UGP2: variants seen among roughly 807,000 people sequenced by gnomAD.
UGP2 encodes UDP-glucose pyrophosphorylase 2, also known as UTP--glucose-1-phosphate uridylyltransferase.
UGP2 carries 40 observed loss-of-function variants against 49.0 expected under a neutral mutation model. The observed-to-expected ratio is 0.82, with a 90% CI of 0.63 to 1.06. The LOEUF (loss-of-function observed/expected upper bound fraction) is 1.06, where lower values mean the gene tolerates loss of function less well. Among genes scored for constraint, UGP2 ranks in the 50% least tolerant of loss-of-function variants. UGP2 has a pLI of 0.00. For synonymous variants in UGP2, 225 were observed against 213.0 expected, an observed-to-expected ratio of 1.06 and a Z score of -0.49; for missense variants, 460 against 603.5, an observed-to-expected ratio of 0.76 and a Z score of 2.49.
chr2:63,845,875 T>G (rs909310080), intron 1 of UGP2, among the ~76,000 whole-genome samples: 1 of 152,164 alleles, frequency 6.6e-6, no homozygotes, highest in Non-Finnish European at 1.5e-5. Flanking sequence ...CTCAAGCATA[T>G]TGACCGTAAA....
intron 3 of UGP2, among the ~76,000 whole-genome samples, chr2:63,858,238 A>C (rs1232202186): frequency 6.6e-6 from 1 of 152,170 alleles, no homozygotes; most frequent in Non-Finnish European, 1.5e-5. Flanking sequence ...AGCTTCGTTT[A>C]CTTTGTTTCT....
Position 63,879,053 on chromosome 2 carries a change from G to A in UGP2, c.256-3413G>A, listed in dbSNP as rs114536288. Among the ~76,000 whole-genome samples, 889 of 150,600 alleles carry A rather than the reference G, an allele frequency of 5.9e-3. 14 individuals are homozygous for A. The highest frequency in any genetic ancestry group is 0.02 in the African/African-American group (831 of 41,096). The stretch of plus-strand genomic sequence containing the variant: ...TTAGTACTTTTTCTTGATGACTTAT[G>A]TCCTAAATCAAATTAAATAGCTCAA... On this transcript the variant is annotated intron_variant, in intron 3 of 9. Coordinates refer to ENST00000337130, the MANE Select transcript of UGP2 (RefSeq NM_006759.4).
chr2:63,842,916 C>T (rs919904393), intron 1 of UGP2, among the ~76,000 whole-genome samples: 2 of 152,148 alleles, frequency 1.3e-5, no homozygotes, highest in African/African-American at 4.8e-5. Flanking sequence ...CATGTGTGTA[C>T]GGTGTACTCA....
chr2:63,856,501 G>C, intron 2 of UGP2, 68 bp downstream of exon 2: 1 of 1,496,112 alleles, frequency 6.7e-7, no homozygotes, highest in African/African-American at 1.5e-5. Flanking sequence ...CTGAGTTGCT[G>C]CCGGTGATGA....
intron 3 of UGP2, among the ~76,000 whole-genome samples, chr2:63,860,701 C>A (rs1464135289): frequency 1.3e-5 from 2 of 151,806 alleles, no homozygotes; most frequent in East Asian, 3.9e-4. Context: ...CTCAAGGGAT[C>A]CTCCTGCCTC....
rs1291456463 is a variant in UGP2 at position 63,848,921 on chromosome 2, C to T, written c.19+6717C>T. On this transcript the variant is annotated intron_variant, in intron 1 of 9. Coordinates refer to ENST00000337130, the MANE Select transcript of UGP2 (RefSeq NM_006759.4). ...TCAAATACTGCCTCTGCCAACAGTT[C>T]CGTTGTTTATTTTTCTCAGTCATTA... is the stretch of plus-strand genomic sequence containing the variant. 2.6e-5 allele frequency among the ~76,000 whole-genome samples: 4 copies of T among 152,282 alleles called. No homozygotes were observed. In the East Asian group the frequency reaches 7.7e-4, roughly 29 times the overall value.
At chr2:63,869,747 A>G (rs1435368821) in intron 3 of UGP2, among the ~76,000 whole-genome samples, 3 of 152,128 alleles carry the variant, frequency 2.0e-5, no homozygotes, top group South Asian at 4.1e-4. Flanking sequence ...TTTGGAGGAC[A>G]GTGTTGGTGC....
chr2:63,882,396 C>T, intron 3 of UGP2, 70 bp from the exon 4 acceptor site: 1 of 1,307,176 alleles, frequency 7.7e-7, no homozygotes, highest in South Asian at 2.3e-5. Context: ...GGAAATAACC[C>T]TGGGATTGAT....
At chr2:63,850,623 T>G (rs2104257459) in intron 1 of UGP2, among the ~76,000 whole-genome samples, 1 of 152,354 alleles carries the variant, frequency 6.6e-6, no homozygotes, top group South Asian at 2.1e-4. Flanking sequence ...GAAAAGAAAT[T>G]TAGTAGTCAT....
intron 3 of UGP2, among the ~76,000 whole-genome samples, chr2:63,859,031 G>A (rs1437684992): frequency 1.4e-5 from 2 of 147,702 alleles, no homozygotes; most frequent in South Asian, 4.3e-4. Context: ...GTCTCACTCT[G>A]TCACCCAAGC....
At chr2:63,883,638 C>G (rs1275173758) in intron 4 of UGP2, among the ~76,000 whole-genome samples, 1 of 152,206 alleles carries the variant, frequency 6.6e-6, no homozygotes, top group Non-Finnish European at 1.5e-5. Context: ...GCTCCAGACT[C>G]AAACTGCCTA....
chr2:63,881,247 T>C (rs1385556148), intron 3 of UGP2, among the ~76,000 whole-genome samples: 1 of 152,146 alleles, frequency 6.6e-6, no homozygotes, highest in African/African-American at 2.4e-5. Context: ...GATATATGTA[T>C]GTATGTTCAT....
At chr2:63,846,530 C>A (rs1034710780) in intron 1 of UGP2, among the ~76,000 whole-genome samples, 2 of 152,076 alleles carry the variant, frequency 1.3e-5, no homozygotes, top group Non-Finnish European at 1.5e-5. Flanking sequence ...TACATACTTA[C>A]ATTTCAGGGA....
At chr2:63,845,013 TAC>T (rs1671835806) in intron 1 of UGP2, among the ~76,000 whole-genome samples, 1 of 151,508 alleles carries the variant, frequency 6.6e-6, no homozygotes, top group African/African-American at 2.5e-5. Flanking sequence ...TTGGGAGAAA[TAC>T]AGTGTTTTGT....
intron 3 of UGP2, among the ~76,000 whole-genome samples, chr2:63,858,379 A>G (rs948184126): frequency 6.6e-6 from 1 of 152,194 alleles, no homozygotes. Context: ...ACTATTTATC[A>G]TAGCTTAAGC....
At chr2:63,877,987 G>T (rs1253595947) in intron 3 of UGP2, among the ~76,000 whole-genome samples, 1 of 105,322 alleles carries the variant, frequency 9.5e-6, no homozygotes, top group African/African-American at 3.8e-5. Context: ...GCGACAGAGC[G>T]AGACTCCGTC....
At position 63,883,937 on chromosome 2, in the gene UGP2, CTAATT is replaced by C; in HGVS notation, c.442-22_442-18del. The stretch of plus-strand genomic sequence containing the variant: ...CAAAAGAAAAGTGAGTCTGGGTAAT[CTAATT>C]GTCATTTTCCTCCCTAGCATTTGAA... On this transcript the variant is annotated intron_variant, in intron 4 of 9. Coordinates refer to ENST00000337130, the MANE Select transcript of UGP2 (RefSeq NM_006759.4). 1 of 1,589,302 alleles carries C rather than the reference CTAATT, an allele frequency of 6.3e-7. No homozygotes were observed. The highest frequency in any genetic ancestry group is 1.4e-5 in the African/African-American group (1 of 73,552).
At chr2:63,865,435 A>G (rs1324221306) in intron 3 of UGP2, among the ~76,000 whole-genome samples, 1 of 152,086 alleles carries the variant, frequency 6.6e-6, no homozygotes, top group Non-Finnish European at 1.5e-5. Context: ...CAACTGAGTA[A>G]TAGCTATGAA....
intron 1 of UGP2, among the ~76,000 whole-genome samples, chr2:63,849,625 C>G (rs1372980745): frequency 6.6e-6 from 1 of 152,204 alleles, no homozygotes; most frequent in Admixed American, 6.5e-5. Flanking sequence ...TTTAACCTCA[C>G]ATAGCAGACA....
Sources: gnomAD v4.1 joint callset for allele counts (sites outside exome capture counted in the v4.1 genomes callset) on GRCh38, gnomAD v4.1.1 for gene constraint, MANE v1.5 for transcripts, NCBI Gene and HGNC (gene_info 2026-07-23, HGNC 2026-07-21) for gene names.